The following NUDT14 variants were observed in gnomAD, a reference collection of about 807,000 sequenced individuals.
NUDT14 encodes uridine diphosphate glucose pyrophosphatase NUDT14.
Under a neutral mutation model 17.5 loss-of-function variants are expected in NUDT14, and 22 were observed. The observed-to-expected ratio is 1.26, with a 90% confidence interval of 0.90 to 1.80. The LOEUF (loss-of-function observed/expected upper bound fraction) is 1.80. Ranked by LOEUF, NUDT14 falls within the 40% of genes most tolerant of loss-of-function variation. The pLI is 0.00. For missense variants in NUDT14, 296 were observed against 295.6 expected (o/e 1.00, Z -0.01); for synonymous variants, 129 against 125.8 (o/e 1.03, Z -0.17).
chr14:105,177,477 C>G (rs1042111281), intron 2 of NUDT14, among the ~76,000 whole-genome samples: 1 of 152,208 alleles, frequency 6.6e-6, no homozygotes, highest in Non-Finnish European at 1.5e-5. Flanking sequence ...ATCATGGTCC[C>G]GGTGGCCTGA....
intron 3 of NUDT14, 35 bp downstream of exon 3, chr14:105,176,928 C>T: frequency 6.2e-7 from 1 of 1,603,920 alleles, no homozygotes; most frequent in Non-Finnish European, 8.5e-7. Flanking sequence ...TGAAGGTGAC[C>T]CTGCAGATCC....
chr14:105,174,129 G>A (rs1455443876), intron 4 of NUDT14, among the ~76,000 whole-genome samples: 1 of 152,130 alleles, frequency 6.6e-6, no homozygotes, highest in African/African-American at 2.4e-5. Flanking sequence ...CAGTGGCCCA[G>A]GCTGGGGAGG....
chr14:105,177,597 G>T, intron 2 of NUDT14, 95 bp downstream of exon 2: 1 of 1,189,776 alleles, frequency 8.4e-7, no homozygotes, highest in Non-Finnish European at 1.2e-6. Flanking sequence ...GAACAGCAAC[G>T]TCAGGGAGGA....
intron 4 of NUDT14, among the ~76,000 whole-genome samples, chr14:105,174,090 G>A (rs1889162253): frequency 6.6e-6 from 1 of 152,010 alleles, no homozygotes; most frequent in Non-Finnish European, 1.5e-5. Context: ...AGTGGGGTGG[G>A]GTGGCAGCGA....
At chr14:105,174,631 GGCGGCGGCC>G (rs1051009237) in intron 4 of NUDT14, among the ~76,000 whole-genome samples, 23 of 152,260 alleles carry the variant, frequency 1.5e-4, no homozygotes, top group Admixed American at 4.6e-4. Flanking sequence ...GCCCATTTCC[GGCGGCGGCC>G]GCGGCTGCGC....
At position 105,176,573 on chromosome 14, in the gene NUDT14, T is replaced by C; in HGVS notation, c.389A>G (p.His130Arg). 1 of 1,612,634 alleles carries C rather than the reference T, an allele frequency of 6.2e-7. No homozygotes were observed. The highest frequency in any genetic ancestry group is 8.5e-7 in the Non-Finnish European group (1 of 1,179,928). Residue 130 changes from histidine to arginine, a missense_variant, in exon 4 of 5, where the codon CAC becomes CGC. Transcript: ENST00000392568. ...CKEAWEECGY[H>R]LAPSDLRRVA... ...CCGGCGCAGATCAGAGGGGGCCAAG[T>C]GGTAGCCACACTCCTCCCAAGCCTC... is the stretch of plus-strand genomic sequence containing the variant.
chr14:105,175,873 CT>C, intron 4 of NUDT14: 1 of 1,141,622 alleles, frequency 8.8e-7, no homozygotes, highest in South Asian at 1.7e-5. Context: ...GGAGCGGGCC[CT>C]GGCCTCTGGA....
chr14:105,176,461 C>A, intron 4 of NUDT14, 73 bp downstream of exon 4: 1 of 1,237,988 alleles, frequency 8.1e-7, no homozygotes, highest in Non-Finnish European at 1.2e-6. Context: ...CTTGCACACT[C>A]CCAGGGACGG....
chr14:105,173,984 T>C lies in NUDT14; in HGVS notation c.429-723A>G, dbSNP rs1340742733. Among the ~76,000 whole-genome samples the C allele has an allele frequency of 6.6e-6, 1 of 151,940 alleles. No homozygotes were observed. Among genetic ancestry groups the C allele is most frequent in the African/African-American group, 2.4e-5 (1 of 41,356 alleles). On this transcript the variant is annotated intron_variant, in intron 4 of 4. Transcript: ENST00000392568. This position sits in a 1 kb window ranked among gnomAD's most constrained non-coding sequence, Gnocchi z 4.7. The stretch of plus-strand genomic sequence containing the variant: ...AAGCAGGGACAAACCCACCAGGCCT[T>C]CCCGCAAGGGTTCCCCACCAGGCAC...
At chr14:105,179,176 G>A (rs1889277973) in intron 1 of NUDT14, among the ~76,000 whole-genome samples, 1 of 152,222 alleles carries the variant, frequency 6.6e-6, no homozygotes, top group African/African-American at 2.4e-5. Flanking sequence ...CTTAGGTCCA[G>A]CCAGGTCAAG....
intron 1 of NUDT14, among the ~76,000 whole-genome samples, chr14:105,179,248 G>C (rs1386310732): frequency 1.3e-5 from 2 of 152,232 alleles, no homozygotes; most frequent in Non-Finnish European, 2.9e-5. Context: ...TGGGTGCAAA[G>C]AAGACCCCAT....
chr14:105,175,017 G>A (rs910551609), intron 4 of NUDT14, among the ~76,000 whole-genome samples: 2 of 152,160 alleles, frequency 1.3e-5, no homozygotes, highest in Non-Finnish European at 2.9e-5. Context: ...CTGAAGCCAC[G>A]GCCTGCTCTT....
intron 1 of NUDT14, among the ~76,000 whole-genome samples, 187 bp from the exon 2 acceptor site, chr14:105,177,922 G>A (rs1234758649): frequency 6.6e-6 from 1 of 152,080 alleles, no homozygotes; most frequent in Non-Finnish European, 1.5e-5. Context: ...GGGCAGGGAG[G>A]TCAAGGACAG....
chr14:105,176,864 T>A, intron 3 of NUDT14, 93 bp from the exon 4 acceptor site: 1 of 1,548,796 alleles, frequency 6.5e-7, no homozygotes, highest in Non-Finnish European at 8.9e-7. Context: ...GGCCTCAGCT[T>A]CCCCTGGAGC....
rs751012382 is a variant in NUDT14, at chr14:105,172,970, G to A, written c.*51C>T. 2.5e-5 allele frequency: 36 copies of A among 1,447,776 alleles called. No individual in the cohort carries two copies. Among genetic ancestry groups the A allele is most frequent in the East Asian group, 5.1e-5 (2 of 39,050 alleles). 89.7% of individuals were successfully genotyped at this position (1,447,776 alleles called of 1,614,324 possible). The stretch of plus-strand genomic sequence containing the variant: ...TATGCAAGCCTTTATTGGGGTCCGC[G>A]GGGTGTGGGGTGAGTGGCCAAGACT... On this transcript the variant is annotated 3_prime_UTR_variant, in exon 5 of 5. Coordinates refer to ENST00000392568, the MANE Select transcript of NUDT14 (RefSeq NM_177533.5).
rs587694235 is a variant in NUDT14 at position 105,173,554 on chromosome 14, C to T, written c.429-293G>A. ...TTGAGCTCATCAGAAGGGAGAGCAT[C>T]CTAGGCGGGCATGGCCCGATCACGA... On this transcript the variant is annotated intron_variant, in intron 4 of 4. Coordinates refer to ENST00000392568, the MANE Select transcript of NUDT14 (RefSeq NM_177533.5). The surrounding 1 kb of genome is among the most constrained non-coding windows in gnomAD (Gnocchi z 4.7). 6.3e-4 allele frequency: 185 copies of T among 293,070 alleles called. No individual in the cohort carries two copies. The highest frequency in any genetic ancestry group is 3.3e-3 in the African/African-American group (153 of 46,242). 18.2% of individuals were successfully genotyped at this position (293,070 alleles called of 1,614,324 possible). A position where few individuals can be genotyped will look rare whatever the true frequency, so the allele number is the denominator to read the frequency against.
rs1889139304 is a variant in NUDT14, at chr14:105,173,113, C to A, written c.577G>T (p.Ala193Ser). 1.9e-6 allele frequency: 3 copies of A among 1,596,892 alleles called. No homozygotes were observed. In the East Asian group the frequency reaches 6.7e-5, roughly 36 times the overall value. Reference protein sequence around the residue: ...HLPLEGAQAFADDPDIPKTLG... With the variant: ...HLPLEGAQAFSDDPDIPKTLG... ...GTCTTGGGGATGTCCGGGTCGTCTG[C>A]AAAGGCCTGGGCGCCTTCCAGGGGC... is the stretch of plus-strand genomic sequence containing the variant. Residue 193 changes from alanine (A) to serine (S), a missense_variant, in exon 5 of 5, where the codon GCA (alanine) becomes TCA (serine). By Grantham distance (99) the Ala-to-Ser change is moderately conservative. Coordinates refer to ENST00000392568, the MANE Select transcript of NUDT14 (RefSeq NM_177533.5). This position sits in a 1 kb window ranked among gnomAD's most constrained non-coding sequence, Gnocchi z 4.7.
intron 4 of NUDT14, chr14:105,175,973 C>A (rs1457213795): frequency 7.9e-7 from 1 of 1,272,708 alleles, no homozygotes; most frequent in African/African-American, 1.5e-5. Flanking sequence ...GGGTCAGGAG[C>A]CCATCGTAGC....
chr14:105,173,522 C>T lies in NUDT14; in HGVS notation c.429-261G>A, dbSNP rs758103032. 5 of 347,540 alleles carry T rather than the reference C, an allele frequency of 1.4e-5. No homozygotes were observed. Among genetic ancestry groups the T allele is most frequent in the African/African-American group, 2.1e-5 (1 of 47,478 alleles). 21.5% of individuals were successfully genotyped at this position (347,540 alleles called of 1,614,324 possible). Reference sequence around the variant, plus strand: ...TGTCGATGTGATTAAGGACCCTAACCGGTGACTTGAGCTCATCAGAAGGGA... The same window carrying T: ...TGTCGATGTGATTAAGGACCCTAACTGGTGACTTGAGCTCATCAGAAGGGA... On this transcript the variant is annotated intron_variant, in intron 4 of 4. Coordinates refer to ENST00000392568, the MANE Select transcript of NUDT14 (RefSeq NM_177533.5). This position sits in a 1 kb window ranked among gnomAD's most constrained non-coding sequence, Gnocchi z 4.7.
Sources: gnomAD v4.1 joint callset for allele counts (sites outside exome capture counted in the v4.1 genomes callset) on GRCh38, gnomAD v4.1.1 for gene constraint, Gnocchi (gnomAD v3.1) non-coding constraint, MANE v1.5 for transcripts, NCBI Gene and HGNC (gene_info 2026-07-23, HGNC 2026-07-21) for gene names.